The following NAALADL2 variants were observed in gnomAD, a reference collection of about 807,000 sequenced individuals.
The protein encoded by NAALADL2 is inactive N-acetylated-alpha-linked acidic dipeptidase-like protein 2.
In NAALADL2, 76 loss-of-function variants were observed where a neutral mutation model predicts 87.2. That is an observed-to-expected ratio of 0.87 (90% CI 0.72 to 1.05). The LOEUF is 1.05. Ranked by LOEUF, NAALADL2 falls within the 50% of genes least tolerant of loss-of-function variation. NAALADL2 has a pLI of 0.00. For synonymous variants in NAALADL2, 354 were observed against 331.0 expected (o/e 1.07, Z -0.75); for missense variants, 1,089 against 945.8 (o/e 1.15, Z -1.99).
chr3:174,849,826 C>T (rs936437187), intron 3 of NAALADL2, among the ~76,000 whole-genome samples: 1 of 151,376 alleles, frequency 6.6e-6, no homozygotes, highest in Admixed American at 6.6e-5. Flanking sequence ...TGTCTGCCAC[C>T]TCCACGTCTT....
intron 1 of NAALADL2, among the ~76,000 whole-genome samples, chr3:175,047,067 C>A (rs1450157090): frequency 6.6e-6 from 1 of 152,140 alleles, no homozygotes; most frequent in African/African-American, 2.4e-5. Context: ...TCTACAGAGT[C>A]TCTTTTATAA....
chr3:175,798,146 A>G (rs931407941), intron 13 of NAALADL2, among the ~76,000 whole-genome samples: 4 of 152,078 alleles, frequency 2.6e-5, no homozygotes, highest in Admixed American at 6.6e-5. Context: ...AGGAGAAATG[A>G]TCTTTCTCAT....
chr3:175,535,041 C>A (rs1185221469), intron 9 of NAALADL2, among the ~76,000 whole-genome samples: 1 of 152,128 alleles, frequency 6.6e-6, no homozygotes, highest in Non-Finnish European at 1.5e-5. Context: ...TTCCCTAAAC[C>A]AGTCACTGTG....
chr3:175,203,372 A>G (rs954522052), intron 2 of NAALADL2, among the ~76,000 whole-genome samples: 1 of 152,096 alleles, frequency 6.6e-6, no homozygotes, highest in Non-Finnish European at 1.5e-5. Flanking sequence ...CTCAGCTTCA[A>G]GTAAGGTCAG....
intron 3 of NAALADL2, among the ~76,000 whole-genome samples, chr3:175,236,306 G>T (rs1369260286): frequency 6.6e-6 from 1 of 152,068 alleles, no homozygotes; most frequent in East Asian, 1.9e-4. Flanking sequence ...CAGCACATTG[G>T]AGGCCGAGGC....
rs1044362258 is a variant in NAALADL2 at position 174,889,968 on chromosome 3, A to G, written c.43+30518A>G. Among the ~76,000 whole-genome samples, 190 of 152,228 alleles carry G rather than the reference A, an allele frequency of 1.2e-3. 1 individual carries two copies. Among genetic ancestry groups the G allele is most frequent in the Non-Finnish European group, 7.9e-4 (54 of 68,012 alleles). Reference sequence around the variant, plus strand: ...GTGAGTGTGTGAATTTTTCCCCTTCAATGTTTCTTAAAAGAAGTAAGTAGA... The same window carrying G: ...GTGAGTGTGTGAATTTTTCCCCTTCGATGTTTCTTAAAAGAAGTAAGTAGA... On this transcript the variant is annotated intron_variant, in intron 1 of 13. Transcript: ENST00000454872.
At position 174,713,602 on chromosome 3, in the gene NAALADL2, G is replaced by C. The variant is rs145159969; in HGVS notation, c.-114-24039G>C. ...TGTCTTTTGGCTGCATAAATGTCTT[G>C]TTTTGAGAAGTGTCTGTTCATATTG... is the stretch of plus-strand genomic sequence containing the variant. On this transcript the variant is annotated intron_variant, in intron 2 of 3. Transcript: ENST00000434257. Among the ~76,000 whole-genome samples, 765 of 152,128 alleles carry C rather than the reference G, an allele frequency of 5.0e-3. 5 individuals are homozygous for C. Among genetic ancestry groups the C allele is most frequent in the African/African-American group, 0.017 (699 of 41,442 alleles).
intron 1 of NAALADL2, among the ~76,000 whole-genome samples, chr3:174,894,506 A>C (rs1036950120): frequency 1.4e-5 from 2 of 148,016 alleles, no homozygotes; most frequent in South Asian, 2.2e-4. Flanking sequence ...AGGCACGAGG[A>C]TCGCTTGGAC....
chr3:174,664,297 G>A (rs1725767820), intron 2 of NAALADL2, among the ~76,000 whole-genome samples: 1 of 152,140 alleles, frequency 6.6e-6, no homozygotes, highest in South Asian at 2.1e-4. Flanking sequence ...ACAATTAATG[G>A]CCTTCTATTA....
chr3:174,834,557 A>AATAT (rs1299625948), intron 3 of NAALADL2, among the ~76,000 whole-genome samples: 1 of 152,018 alleles, frequency 6.6e-6, no homozygotes, highest in Non-Finnish European at 1.5e-5. Context: ...AGTCCAAATA[A>AATAT]ATATACAAAA....
At chr3:175,500,085 C>A (rs16825871) in intron 9 of NAALADL2, among the ~76,000 whole-genome samples, 4,857 of 152,060 alleles carry the variant, frequency 0.032, 277 homozygotes, top group African/African-American at 0.11. Context: ...CGAATGACTA[C>A]CCCATGCATG....
At chr3:175,034,565 C>G (rs1753186163) in intron 1 of NAALADL2, among the ~76,000 whole-genome samples, 1 of 152,110 alleles carries the variant, frequency 6.6e-6, no homozygotes. Context: ...CACACTTTCT[C>G]CATTACTATC....
At position 175,234,017 on chromosome 3, in the gene NAALADL2, A is replaced by T. The variant is rs746895771; in HGVS notation, c.632A>T (p.Asp211Val). 5.0e-6 allele frequency: 8 copies of T among 1,613,788 alleles called. No homozygotes were observed. The highest frequency in any genetic ancestry group is 6.8e-6 in the Non-Finnish European group (8 of 1,179,754). The stretch of plus-strand genomic sequence containing the variant: ...CAGTGGACCTCTTTGGGCCTAGAAG[A>T]TGTACAGTTTGTAAATTACTCTGTG... The part of the protein sequence containing the change: ...KTQWTSLGLE[D>V]VQFVNYSVLL... Residue 211 changes from aspartate (D) to valine (V), a missense_variant, in exon 3 of 14, where the codon GAT becomes GTT. By Grantham distance (152) the Asp-to-Val change is radical. Transcript: ENST00000454872.
rs1300025954 is a variant in NAALADL2, at chr3:175,807,301, C to T, written c.*4098C>T. ...AACGTAGAGCATATAGTAAGTTTCC[C>T]CACAGGAAAGACAGATGTTAACAAA... On this transcript the variant is annotated 3_prime_UTR_variant, in exon 14 of 14. Coordinates refer to ENST00000454872, the MANE Select transcript of NAALADL2 (RefSeq NM_207015.3). 4 of 151,836 alleles carry T rather than the reference C, an allele frequency of 2.6e-5. No homozygotes were observed. The East Asian group carries it at 7.7e-4, about 29-fold the overall frequency. 9.4% of individuals were successfully genotyped at this position (151,836 alleles called of 1,614,324 possible).
Position 175,578,895 on chromosome 3 carries a change from TAAG to T in NAALADL2, c.1800+2714_1800+2716del, listed in dbSNP as rs758928648. Among the ~76,000 whole-genome samples the T allele has an allele frequency of 2.0e-5, 3 of 152,220 alleles. No homozygotes were observed. The East Asian group carries it at 5.8e-4, about 29-fold the overall frequency. ...CATGTTGTTTGTCCAAGAGTGCAGT[TAAG>T]AAGAAAATTTTCTTCAACACCTGTT... On this transcript the variant is annotated intron_variant, in intron 10 of 13. Coordinates refer to ENST00000454872, the MANE Select transcript of NAALADL2 (RefSeq NM_207015.3).
At chr3:175,412,891 T>TTTTTTATTATTATTATTATTATTA (rs776876343) in intron 5 of NAALADL2, among the ~76,000 whole-genome samples, 1 of 123,012 alleles carries the variant, frequency 8.1e-6, no homozygotes, top group Non-Finnish European at 1.7e-5. Flanking sequence ...ATTTAATTTA[T>TTTTTTATTATTATTATTATTATTA]TTATTATTAT....
intron 2 of NAALADL2, among the ~76,000 whole-genome samples, chr3:175,171,932 TAAAG>T (rs371118159): frequency 1.4e-3 from 220 of 152,160 alleles, no homozygotes; most frequent in African/African-American, 5.2e-3. Context: ...GTTGGGGGGA[TAAAG>T]AGAGGTTGGT....
At chr3:175,242,826 G>T (rs2109636590) in intron 3 of NAALADL2, among the ~76,000 whole-genome samples, 1 of 152,066 alleles carries the variant, frequency 6.6e-6, no homozygotes, top group East Asian at 1.9e-4. Flanking sequence ...GGAGAAACTG[G>T]CATTTAAAAT....
At chr3:174,785,067 T>A (rs1233061165) in intron 3 of NAALADL2, among the ~76,000 whole-genome samples, 5 of 152,184 alleles carry the variant, frequency 3.3e-5, no homozygotes, top group Non-Finnish European at 5.9e-5. Flanking sequence ...CATGTGCATG[T>A]TTGTTACATG....
Sources: allele counts gnomAD v4.1 joint callset (sites outside exome capture counted in the v4.1 genomes callset), GRCh38; gene constraint gnomAD v4.1.1; transcripts MANE v1.5; gene names NCBI Gene and HGNC (gene_info 2026-07-23, HGNC 2026-07-21).